NUP54: variants seen among roughly 807,000 people sequenced by gnomAD.
NUP54 encodes nucleoporin p54.
NUP54 carries 27 observed loss-of-function variants against 66.4 expected under a neutral mutation model. The ratio of observed to expected loss-of-function variants is 0.41; its 90% confidence interval spans 0.30 to 0.56. NUP54 has a LOEUF of 0.56. Among genes scored for constraint, NUP54 ranks in the 20% least tolerant of loss-of-function variants. The probability of loss-of-function intolerance (pLI) is 0.34; values close to 1 mark genes in which losing one functional copy is unlikely to be tolerated. For synonymous variants in NUP54, 206 were observed against 210.7 expected (o/e 0.98, Z 0.19); for missense variants, 486 against 596.3 (o/e 0.82, Z 1.93).
chr4:76,134,064 C>A, intron 5 of NUP54, 111 bp downstream of exon 5: 2 of 667,894 alleles, frequency 3.0e-6, no homozygotes, highest in Non-Finnish European at 2.4e-6. Flanking sequence ...TGAGAAAAGG[C>A]ATTCTGCTCT....
At chr4:76,141,301 G>A (rs769089303) in intron 3 of NUP54, among the ~76,000 whole-genome samples, 1 of 152,108 alleles carries the variant, frequency 6.6e-6, no homozygotes, top group Non-Finnish European at 1.5e-5. Flanking sequence ...TTTTGTTCTA[G>A]TACTCTCCTC....
chr4:76,123,908 C>T (rs920070918), intron 9 of NUP54, among the ~76,000 whole-genome samples: 3 of 152,144 alleles, frequency 2.0e-5, no homozygotes, highest in Non-Finnish European at 2.9e-5. Context: ...TTCCCTTCTT[C>T]CAGCTGATGA....
Position 76,148,361 on chromosome 4 carries a change from A to G in NUP54, c.14T>C (p.Phe5Ser). Residue 5 changes from phenylalanine (F) to serine (S), a missense_variant, in exon 1 of 12, where the codon TTT becomes TCT. Coordinates refer to ENST00000264883, the MANE Select transcript of NUP54 (RefSeq NM_017426.4). ...ACCGGAGGTGCCCGAGGGAGCCCCA[A>G]AATTGAAGGCCATGTCGCGAAAGCA... is the stretch of plus-strand genomic sequence containing the variant. Reference protein sequence around the residue: MAFNFGAPSGTSGTA... With the variant: MAFNSGAPSGTSGTA... 6.5e-7 allele frequency: 1 copy of G among 1,546,398 alleles called. No homozygotes were observed. Among genetic ancestry groups the G allele is most frequent in the South Asian group, 1.2e-5 (1 of 81,446 alleles).
intron 9 of NUP54, among the ~76,000 whole-genome samples, chr4:76,118,981 G>A (rs575022578): frequency 6.6e-6 from 1 of 152,088 alleles, no homozygotes; most frequent in South Asian, 2.1e-4. Flanking sequence ...ACTCCAGCCT[G>A]GGCAACAGAG....
intron 6 of NUP54, chr4:76,132,316 AT>A: frequency 2.9e-6 from 1 of 347,494 alleles, no homozygotes; most frequent in Admixed American, 4.7e-5. Flanking sequence ...ATTTCTCAAA[AT>A]TTCTATTTTA....
chr4:76,122,005 A>G lies in NUP54; in HGVS notation c.1164+2644T>C, dbSNP rs148469224. On this transcript the variant is annotated intron_variant, in intron 9 of 11. Transcript: ENST00000264883. ...CAAGATAGCAACAAATAATGATGAT[A>G]ATATTGGGTGTCCGTTGTCTAGTTT... 6.9e-3 allele frequency among the ~76,000 whole-genome samples: 1,048 copies of G among 152,296 alleles called. 4 individuals are homozygous for G. Among genetic ancestry groups the G allele is most frequent in the African/African-American group, 0.024 (1,008 of 41,556 alleles).
In NUP54 at chr4:76,118,157, T is replaced by C. The variant is rs1730038252; in HGVS notation, c.1202A>G (p.Tyr401Cys). The change falls in exon 10 of 12, where the codon TAT becomes TGT. Residue 401 changes from tyrosine (Y) to cysteine (C), a missense_variant. By Grantham distance (194) the Tyr-to-Cys change is radical. Around this residue, in one of 4 missense-constraint regions of NUP54, gnomAD observed 83 missense variants for 128.6 expected, o/e 0.65. Transcript: ENST00000264883. ...CTGCTCTTCATCAGCCTGAATGGCA[T>C]AACCACTCTTCCTTTGAATTTCCTG... ...IKQEIQRKSG[Y>C]AIQADEEQLR... is the part of the protein sequence containing the mutation. The C allele has an allele frequency of 6.2e-7, 1 of 1,613,408 alleles. No individual in the cohort carries two copies. The highest frequency in any genetic ancestry group is 8.5e-7 in the Non-Finnish European group (1 of 1,179,472).
Position 76,141,663 on chromosome 4 carries a change from C to T in NUP54, c.295+2486G>A, listed in dbSNP as rs1731272223. Among the ~76,000 whole-genome samples, 4 of 152,190 alleles carry T rather than the reference C, an allele frequency of 2.6e-5. No individual in the cohort carries two copies. The South Asian group carries it at 8.3e-4, about 32-fold the overall frequency. On this transcript the variant is annotated intron_variant, in intron 3 of 11. Transcript: ENST00000264883. ...TATCTTGCTCAGATTTTGGCAACAGCTTCACCAGATCTCTGCCTCCATTCC... is the reference window on the plus strand; with the variant it reads ...TATCTTGCTCAGATTTTGGCAACAGTTTCACCAGATCTCTGCCTCCATTCC...
At chr4:76,134,120 C>A (rs918383028) in intron 5 of NUP54, 55 bp downstream of exon 5, 2 of 1,313,176 alleles carry the variant, frequency 1.5e-6, no homozygotes, top group African/African-American at 3.0e-5. Flanking sequence ...TTGATCACTC[C>A]CTTAGGACCA....
At chr4:76,130,792 A>G (rs768335556) in intron 7 of NUP54, 43 bp from the exon 8 acceptor site, 1 of 1,257,870 alleles carries the variant, frequency 7.9e-7, no homozygotes. Context: ...TAAGCCTATT[A>G]CTACAAAATA....
chr4:76,146,405 T>A (rs1011113464), intron 1 of NUP54, among the ~76,000 whole-genome samples: 24 of 152,218 alleles, frequency 1.6e-4, no homozygotes, highest in Non-Finnish European at 5.9e-5. Context: ...AGTAAACACA[T>A]CAAAGGACAG....
rs1578671030 is a variant in NUP54, at chr4:76,124,772, T to G, written c.1057-16A>C. On this transcript the variant is annotated splice_polypyrimidine_tract_variant and intron_variant, in intron 8 of 11. Coordinates refer to ENST00000264883, the MANE Select transcript of NUP54 (RefSeq NM_017426.4). ...CAGATATGATCTGTTTAAAAAAAAA[T>G]TGGGGGGGGGAGGGTTAATCAAATA... 15 of 533,788 alleles carry G rather than the reference T, an allele frequency of 2.8e-5. No homozygotes were observed. The highest frequency in any genetic ancestry group is 4.4e-4 in the Middle Eastern group (1 of 2,252). The allele number at this position is 533,788 out of a possible 1,614,324, so 33.1% of individuals were successfully genotyped here.
intron 8 of NUP54, among the ~76,000 whole-genome samples, chr4:76,127,183 A>G (rs1730574918): frequency 6.6e-6 from 1 of 152,198 alleles, no homozygotes; most frequent in Admixed American, 6.5e-5. Flanking sequence ...CTGTAATCCC[A>G]GCACTTTGGG....
intron 8 of NUP54, among the ~76,000 whole-genome samples, chr4:76,127,507 A>AT (rs1730596519): frequency 6.6e-6 from 1 of 151,750 alleles, no homozygotes; most frequent in South Asian, 2.1e-4. Context: ...CATACTTTAT[A>AT]TAAAGGTAAA....
chr4:76,125,316 T>TCACACACACA (rs34954421), intron 8 of NUP54, among the ~76,000 whole-genome samples: 1,492 of 125,340 alleles, frequency 0.012, 25 homozygotes, highest in African/African-American at 0.038. Flanking sequence ...TGAGACTCCA[T>TCACACACACA]CACACACACA....
chr4:76,134,112 G>T (rs1730928198), intron 5 of NUP54, 63 bp downstream of exon 5: 1 of 1,185,306 alleles, frequency 8.4e-7, no homozygotes, highest in South Asian at 1.6e-5. Context: ...AAACATTATT[G>T]ATCACTCCCT....
At chr4:76,118,582 G>A (rs1286858255) in intron 9 of NUP54, 1 of 103,634 alleles carries the variant, frequency 9.6e-6, no homozygotes, top group Admixed American at 1.0e-4. Flanking sequence ...GTGGGGGGGG[G>A]GGTCTCACTA....
At chr4:76,127,501 CTTTAT>C (rs1730596187) in intron 8 of NUP54, among the ~76,000 whole-genome samples, 1 of 149,334 alleles carries the variant, frequency 6.7e-6, no homozygotes, top group Non-Finnish European at 1.5e-5. Context: ...ATACCACATA[CTTTAT>C]ATAAAGGTAA....
intron 8 of NUP54, among the ~76,000 whole-genome samples, chr4:76,125,874 G>C (rs1210150297): frequency 6.8e-6 from 1 of 146,818 alleles, no homozygotes; most frequent in Admixed American, 6.8e-5. Context: ...GGGAGAGAGA[G>C]AGACAGAGAG....
Sources: gnomAD v4.1 joint callset for allele counts (sites outside exome capture counted in the v4.1 genomes callset) on GRCh38, gnomAD v4.1.1 for gene constraint, gnomAD v4.1.1 regional missense constraint, MANE v1.5 for transcripts, NCBI Gene and HGNC (gene_info 2026-07-23, HGNC 2026-07-21) for gene names.